The following COL6A1 variants were observed in gnomAD, a reference collection of about 807,000 sequenced individuals.
The protein encoded by COL6A1 is collagen type VI alpha 1 chain.
A neutral mutation model predicts 145.6 loss-of-function variants in COL6A1; 80 were observed. The observed-to-expected ratio is 0.55, with a 90% CI of 0.46 to 0.66. The LOEUF (loss-of-function observed/expected upper bound fraction) is 0.66, where lower values mean the gene tolerates loss of function less well. COL6A1 is among the 30% of genes least tolerant of loss of function. The pLI is 0.00. For synonymous variants in COL6A1, 638 were observed against 622.8 expected (o/e 1.02, Z -0.36); for missense variants, 1,364 against 1,473.8 (o/e 0.93, Z 1.22).
chr21:45,989,257 T>C lies in COL6A1; in HGVS notation c.858+120T>C, dbSNP rs560468087. The C allele has an allele frequency of 2.6e-5, 29 of 1,128,168 alleles. No individual in the cohort carries two copies. The East Asian group carries it at 6.7e-4, about 26-fold the overall frequency. The allele number at this position is 1,128,168 out of a possible 1,614,324, so 69.9% of individuals were successfully genotyped here. On this transcript the variant is annotated intron_variant, in intron 9 of 34. Coordinates refer to ENST00000361866, the MANE Select transcript of COL6A1 (RefSeq NM_001848.3). ...TGCCAAAGTCACACTGCCTGTTCCT[T>C]GTGGGTGGGAGCAGACCTGGAGGGG...
chr21:45,994,049 G>A lies in COL6A1; in HGVS notation c.1336-118G>A. On this transcript the variant is annotated intron_variant, in intron 19 of 34. Coordinates refer to ENST00000361866, the MANE Select transcript of COL6A1 (RefSeq NM_001848.3). The surrounding 1 kb of genome is among the most constrained non-coding windows in gnomAD (Gnocchi z 6.8). ...GGCCAGGAAGGGGCTGTGCGGGGAG[G>A]GAAGGCCGGAACAGCCCAGTGACCA... 2 of 1,048,044 alleles carry A rather than the reference G, an allele frequency of 1.9e-6. No homozygotes were observed. The highest frequency in any genetic ancestry group is 2.9e-6 in the Non-Finnish European group (2 of 689,798). 64.9% of individuals were successfully genotyped at this position (1,048,044 alleles called of 1,614,324 possible).
chr21:46,003,837 G>A lies in COL6A1; in HGVS notation c.2911G>A (p.Val971Met), dbSNP rs769795690. The A allele has an allele frequency of 3.2e-5, 51 of 1,602,382 alleles. No individual in the cohort carries two copies. The highest frequency in any genetic ancestry group is 2.2e-4 in the Admixed American group (13 of 59,714). Residue 971 changes from valine to methionine, a missense_variant, in exon 35 of 35, where the codon GTG becomes ATG. Coordinates refer to ENST00000361866, the MANE Select transcript of COL6A1 (RefSeq NM_001848.3). ...EAQRAGIEIFVVVVGRQVNEP... is the reference protein window; with the variant it reads ...EAQRAGIEIFMVVVGRQVNEP... ...CCAGCGGGCAGGCATCGAGATCTTC[G>A]TGGTGGTCGTGGGCCGCCAGGTGAA...
intron 26 of COL6A1, chr21:45,999,444 G>T (rs1345214789): frequency 9.5e-6 from 7 of 736,390 alleles, no homozygotes; most frequent in Non-Finnish European, 1.6e-5. Context: ...CCTCAGGGTG[G>T]GGCCCACCTG....
At chr21:45,998,215 C>T (rs1171188422) in intron 23 of COL6A1, 44 bp downstream of exon 23, 2 of 1,602,566 alleles carry the variant, frequency 1.2e-6, no homozygotes, top group African/African-American at 2.7e-5. Flanking sequence ...GCCCAAGCTG[C>T]CTGCGGCGCC....
chr21:46,003,090 C>G (rs1384552504), intron 33 of COL6A1, 30 bp from the exon 34 acceptor site: 16 of 1,613,778 alleles, frequency 9.9e-6, no homozygotes, highest in Non-Finnish European at 1.4e-5. Flanking sequence ...GAGCAGTGGG[C>G]TCACACTGCA....
In COL6A1 at chr21:45,982,622, A is replaced by G. The variant is rs745966119; in HGVS notation, c.98-12A>G. 3.1e-6 allele frequency: 5 copies of G among 1,612,770 alleles called. No homozygotes were observed. The highest frequency in any genetic ancestry group is 3.4e-6 in the Non-Finnish European group (4 of 1,179,936). ...GAGAGCTTGAAGGCCCCTCTCCTCC[A>G]TCTTCGGCCAGACTGCCCCGTGGAC... On this transcript the variant is annotated splice_polypyrimidine_tract_variant and intron_variant, in intron 1 of 34. Transcript: ENST00000361866.
At chr21:45,993,288 C>A (rs1188545891) in intron 19 of COL6A1, among the ~76,000 whole-genome samples, 6 of 152,186 alleles carry the variant, frequency 3.9e-5, no homozygotes, top group African/African-American at 1.2e-4. Context: ...CGCTAGGCCA[C>A]CCCACAGCCC....
At chr21:45,990,863 C>T (rs764079175) in intron 14 of COL6A1, 37 bp downstream of exon 14, 18 of 1,611,430 alleles carry the variant, frequency 1.1e-5, no homozygotes, top group South Asian at 5.5e-5. Flanking sequence ...TTAAAACTAG[C>T]GCTGTCAGCA....
Position 45,989,808 on chromosome 21 carries a change from T to C in COL6A1, c.930+30T>C, listed in dbSNP as rs148909683. 4.9e-3 allele frequency: 7,842 copies of C among 1,612,636 alleles called. 39 individuals are homozygous for C. Among genetic ancestry groups the C allele is most frequent in the Non-Finnish European group, 5.3e-3 (6,301 of 1,179,944 alleles). On this transcript the variant is annotated intron_variant, in intron 11 of 34. Coordinates refer to ENST00000361866, the MANE Select transcript of COL6A1 (RefSeq NM_001848.3). ...GTGAGGCTCGACCTCGGAGCTGGTC[T>C]CTCCAGGCGCAGATGTGCCATCCTG...
In COL6A1 at chr21:45,981,787, T is replaced by A. The variant is rs554387250; in HGVS notation, c.-64T>A. 11 of 1,299,082 alleles carry A rather than the reference T, an allele frequency of 8.5e-6. No homozygotes were observed. Among genetic ancestry groups the A allele is most frequent in the Non-Finnish European group, 8.5e-6 (8 of 939,532 alleles). The allele number at this position is 1,299,082 out of a possible 1,614,324, so 80.5% of individuals were successfully genotyped here. On this transcript the variant is annotated 5_prime_UTR_variant, in exon 1 of 35. Transcript: ENST00000361866. ...CTGGGAGCAGAAGGCAGCCTCGGTC[T>A]CTGGGCGGCGGCGGCGGCCCACTCT... is the stretch of plus-strand genomic sequence containing the variant.
intron 2 of COL6A1, among the ~76,000 whole-genome samples, chr21:45,983,353 G>A (rs1156773695): frequency 1.3e-5 from 2 of 151,968 alleles, no homozygotes; most frequent in African/African-American, 2.4e-5. Context: ...GGACAGACCG[G>A]GGGGAGAGGG....
chr21:45,982,166 C>A (rs1011446549), intron 1 of COL6A1, among the ~76,000 whole-genome samples: 2 of 127,196 alleles, frequency 1.6e-5, no homozygotes, highest in Non-Finnish European at 3.5e-5. Context: ...CTCAGCGGGG[C>A]CGGACCGCAG....
At chr21:46,000,414 C>T in intron 28 of COL6A1, 47 bp downstream of exon 28, 2 of 1,604,506 alleles carry the variant, frequency 1.2e-6, no homozygotes, top group African/African-American at 2.7e-5. Flanking sequence ...GCAGGGCCGC[C>T]AGCCTGGCCT....
Position 46,003,416 on chromosome 21 carries a change from C to T in COL6A1, c.2490C>T (p.Ile830=). The T allele has an allele frequency of 6.2e-7, 1 of 1,601,980 alleles. No individual in the cohort carries two copies. Among genetic ancestry groups the T allele is most frequent in the East Asian group, 2.2e-5 (1 of 44,856 alleles). Residue 830 remains isoleucine, a synonymous_variant, in exon 35 of 35, where the codon ATC becomes ATT. Coordinates refer to ENST00000361866, the MANE Select transcript of COL6A1 (RefSeq NM_001848.3). ...TCACGTTCTCCTCCCCGGCTGACATCACCATCCTGCTGGACGGCTCCGCCA... is the reference window on the plus strand; with the variant it reads ...TCACGTTCTCCTCCCCGGCTGACATTACCATCCTGCTGGACGGCTCCGCCA... The part of the protein sequence containing the change: ...CPITFSSPAD[I]TILLDGSASV...
At chr21:45,987,125 G>A (rs978599387) in intron 5 of COL6A1, 30 bp from the exon 6 acceptor site, 3 of 1,589,352 alleles carry the variant, frequency 1.9e-6, no homozygotes, top group Non-Finnish European at 1.7e-6. Flanking sequence ...CAGGTGGAAA[G>A]TAATTCTGCG....
intron 20 of COL6A1, among the ~76,000 whole-genome samples, chr21:45,997,115 C>T (rs1242514670): frequency 6.7e-6 from 1 of 149,980 alleles, no homozygotes; most frequent in Non-Finnish European, 1.5e-5. Flanking sequence ...TTCACCCTTC[C>T]GTGGGGGCCT....
rs35796750 is a variant in COL6A1, at chr21:46,002,498, C to T, written c.2251-29C>T. On this transcript the variant is annotated intron_variant, in intron 32 of 34. Transcript: ENST00000361866. ...AGAAAGACGAGGGCAGAGCAGGCTG[C>T]GCCACACCGATACTGTCTGTCCCCA... is the stretch of plus-strand genomic sequence containing the variant. 0.55 allele frequency: 884,098 copies of T among 1,613,216 alleles called. 244,808 individuals are homozygous for T. The highest frequency in any genetic ancestry group is 0.69 in the East Asian group (31,066 of 44,832).
intron 18 of COL6A1, 53 bp downstream of exon 18, chr21:45,992,451 C>T (rs370717207): frequency 1.2e-5 from 19 of 1,597,444 alleles, no homozygotes; most frequent in African/African-American, 4.0e-5. Flanking sequence ...TAGCTGTGGA[C>T]GTGGCCTCTG....
chr21:45,985,296 AGAGACAGAGAGG>A (rs1422443265), intron 3 of COL6A1, among the ~76,000 whole-genome samples: 1 of 151,972 alleles, frequency 6.6e-6, no homozygotes, highest in African/African-American at 2.4e-5. Context: ...ACAGAGAGAT[AGAGACAGAGAGG>A]GAGACAGAGA....
Sources: gnomAD v4.1 joint callset for allele counts (sites outside exome capture counted in the v4.1 genomes callset) on GRCh38, gnomAD v4.1.1 for gene constraint, Gnocchi (gnomAD v3.1) non-coding constraint, MANE v1.5 for transcripts, NCBI Gene and HGNC (gene_info 2026-07-23, HGNC 2026-07-21) for gene names.